CYP19A1: variants seen among roughly 807,000 people sequenced by gnomAD.
The protein encoded by CYP19A1 is cytochrome P450 family 19 subfamily A member 1, also known as aromatase.
CYP19A1 carries 32 observed loss-of-function variants against 44.4 expected under a neutral mutation model. The ratio of observed to expected loss-of-function variants is 0.72; its 90% confidence interval spans 0.54 to 0.97. The LOEUF (loss-of-function observed/expected upper bound fraction) is 0.97. CYP19A1 is among the 50% of genes least tolerant of loss of function. The probability of loss-of-function intolerance (pLI) is 0.00; values close to 1 mark genes in which losing one functional copy is unlikely to be tolerated. For synonymous variants in CYP19A1, 212 were observed against 215.6 expected, an observed-to-expected ratio of 0.98 and a Z score of 0.14; for missense variants, 598 against 637.8, an observed-to-expected ratio of 0.94 and a Z score of 0.67.
intron 1 of CYP19A1, among the ~76,000 whole-genome samples, chr15:51,267,533 G>T (rs932562636): frequency 6.6e-6 from 1 of 152,108 alleles, no homozygotes; most frequent in Non-Finnish European, 1.5e-5. Flanking sequence ...GGTCTGCGCC[G>T]CCCCCACGTC....
At chr15:51,276,274 C>T (rs1307820780) in intron 1 of CYP19A1, among the ~76,000 whole-genome samples, 1 of 152,132 alleles carries the variant, frequency 6.6e-6, no homozygotes, top group Non-Finnish European at 1.5e-5. Context: ...TCAGATGGCT[C>T]ATTATGCCAG....
At chr15:51,216,009 G>A in intron 6 of CYP19A1, 192 bp from the exon 7 acceptor site, 1 of 1,163,312 alleles carries the variant, frequency 8.6e-7, no homozygotes, top group Non-Finnish European at 1.2e-6. Flanking sequence ...TCATGTTAAG[G>A]TGCCAGAGTT....
chr15:51,227,142 A>C (rs1254349659), intron 4 of CYP19A1, among the ~76,000 whole-genome samples: 1 of 152,150 alleles, frequency 6.6e-6, no homozygotes, highest in Non-Finnish European at 1.5e-5. Flanking sequence ...ATCAATAAGA[A>C]GAAAAGAATT....
At chr15:51,274,862 G>T (rs779178415) in intron 1 of CYP19A1, among the ~76,000 whole-genome samples, 8 of 152,114 alleles carry the variant, frequency 5.3e-5, no homozygotes, top group Non-Finnish European at 1.0e-4. Context: ...GAAAGAAGGG[G>T]CAACACCATA....
intron 1 of CYP19A1, among the ~76,000 whole-genome samples, chr15:51,332,208 T>A (rs886982951): frequency 6.6e-6 from 1 of 152,168 alleles, no homozygotes; most frequent in African/African-American, 2.4e-5. Context: ...TTCTACCAGG[T>A]CCTTCTCCTT....
At chr15:51,211,089 T>A (rs1023781327) in intron 9 of CYP19A1, 33 bp from the exon 10 acceptor site, 2 of 1,458,060 alleles carry the variant, frequency 1.4e-6, no homozygotes, top group African/African-American at 2.8e-5. Context: ...AGCCAGAATA[T>A]TAAAGGCTAG....
chr15:51,261,184 C>G (rs2034705598), intron 1 of CYP19A1, among the ~76,000 whole-genome samples: 1 of 152,176 alleles, frequency 6.6e-6, no homozygotes, highest in South Asian at 2.1e-4. Flanking sequence ...TCTTCCATGA[C>G]CCACGGCTTC....
At chr15:51,315,042 C>G (rs2036396141) in intron 1 of CYP19A1, among the ~76,000 whole-genome samples, 1 of 152,092 alleles carries the variant, frequency 6.6e-6, no homozygotes, top group Non-Finnish European at 1.5e-5. Flanking sequence ...CATCCACTCT[C>G]TACCCCGAGG....
chr15:51,231,926 T>A (rs1168167188), intron 3 of CYP19A1, among the ~76,000 whole-genome samples: 1 of 152,142 alleles, frequency 6.6e-6, no homozygotes, highest in East Asian at 1.9e-4. Flanking sequence ...TCCATGTCCC[T>A]ATTCAAGGCC....
intron 1 of CYP19A1, among the ~76,000 whole-genome samples, chr15:51,330,148 T>C (rs984984004): frequency 6.6e-6 from 1 of 151,936 alleles, no homozygotes; most frequent in East Asian, 1.9e-4. Context: ...AAGGGCGGAA[T>C]GGTGAGAAAC....
intron 1 of CYP19A1, among the ~76,000 whole-genome samples, chr15:51,268,780 C>T (rs753222852): frequency 1.3e-5 from 2 of 152,170 alleles, no homozygotes; most frequent in South Asian, 2.1e-4. Context: ...TATCTGATTG[C>T]GATCTTAATT....
chr15:51,223,029 A>G (rs2032246817), intron 4 of CYP19A1, among the ~76,000 whole-genome samples: 1 of 152,196 alleles, frequency 6.6e-6, no homozygotes, highest in Non-Finnish European at 1.5e-5. Context: ...GTAAAAGGCT[A>G]GTTGTAAAAA....
rs754645982 is a variant in CYP19A1, at chr15:51,210,680, G to A, written c.*128C>T. 4 of 779,738 alleles carry A rather than the reference G, an allele frequency of 5.1e-6. No individual in the cohort carries two copies. The highest frequency in any genetic ancestry group is 2.2e-4 in the Middle Eastern group (1 of 4,462). The allele number at this position is 779,738 out of a possible 1,614,324, so 48.3% of individuals were successfully genotyped here. On this transcript the variant is annotated 3_prime_UTR_variant, in exon 10 of 10. Coordinates refer to ENST00000396402, the MANE Select transcript of CYP19A1 (RefSeq NM_000103.4). ...CCTAGCTTGGTGACAACCCATAGGA[G>A]GTATGCCTATAAAATGCCATGGGCC...
At chr15:51,254,843 T>A (rs1431875605) in intron 1 of CYP19A1, among the ~76,000 whole-genome samples, 1 of 152,240 alleles carries the variant, frequency 6.6e-6, no homozygotes, top group East Asian at 1.9e-4. Context: ...TCCTCAGGTA[T>A]AAACTCTGTT....
Position 51,242,958 on chromosome 15 carries a change from A to C in CYP19A1, c.-38-8T>G, listed in dbSNP as rs183533530. On this transcript the variant is annotated splice_polypyrimidine_tract_variant and splice_region_variant and intron_variant, in intron 1 of 9. Coordinates refer to ENST00000396402, the MANE Select transcript of CYP19A1 (RefSeq NM_000103.4). ...AGGGGGCAATTTAGAGTCCTGTGGA[A>C]ATCAAAGGGACAGAAAAATTACAGA... 4.5e-5 allele frequency: 64 copies of C among 1,412,648 alleles called. No individual in the cohort carries two copies. The East Asian group carries it at 1.3e-3, about 30-fold the overall frequency. 87.5% of individuals were successfully genotyped at this position (1,412,648 alleles called of 1,614,324 possible). A position where few individuals can be genotyped will look rare whatever the true frequency, so the allele number is the denominator to read the frequency against.
chr15:51,220,485 G>GATGA (rs1465205748), intron 5 of CYP19A1, among the ~76,000 whole-genome samples: 3 of 152,192 alleles, frequency 2.0e-5, no homozygotes, highest in Non-Finnish European at 4.4e-5. Flanking sequence ...ATAAATGTTT[G>GATGA]ATGAATGAAT....
intron 3 of CYP19A1, among the ~76,000 whole-genome samples, chr15:51,235,540 T>C (rs2033336694): frequency 6.6e-6 from 1 of 152,204 alleles, no homozygotes. Flanking sequence ...CTCTTAAAAG[T>C]GCTACAACAC....
At chr15:51,311,902 T>A (rs1056633718) in intron 1 of CYP19A1, among the ~76,000 whole-genome samples, 11 of 152,226 alleles carry the variant, frequency 7.2e-5, no homozygotes, top group Admixed American at 3.3e-4. Context: ...TAGACAGTCT[T>A]CTAAGCCCCT....
intron 5 of CYP19A1, among the ~76,000 whole-genome samples, chr15:51,219,479 G>A (rs914188879): frequency 4.6e-5 from 7 of 152,196 alleles, no homozygotes; most frequent in African/African-American, 7.2e-5. Context: ...TGCCATGGGC[G>A]TTGTGGTGTC....
Sources: allele counts gnomAD v4.1 joint callset (sites outside exome capture counted in the v4.1 genomes callset), GRCh38; gene constraint gnomAD v4.1.1; transcripts MANE v1.5; gene names NCBI Gene and HGNC (gene_info 2026-07-23, HGNC 2026-07-21).